The following ADGRA2 variants were observed in gnomAD, a reference collection of about 807,000 sequenced individuals.
The protein encoded by ADGRA2 is adhesion G protein-coupled receptor A2.
In ADGRA2, 61 loss-of-function variants were observed where a neutral mutation model predicts 98.7. The observed-to-expected ratio is 0.62, with a 90% confidence interval of 0.50 to 0.76. The LOEUF (loss-of-function observed/expected upper bound fraction) is 0.76. ADGRA2 is among the 30% of genes least tolerant of loss of function. ADGRA2 has a pLI of 0.00. For missense variants in ADGRA2, 1,712 were observed against 1,860.0 expected (o/e 0.92, Z 1.46); for synonymous variants, 858 against 831.5 (o/e 1.03, Z -0.55).
chr8:37,826,510 C>G (rs1014605005), intron 2 of ADGRA2, among the ~76,000 whole-genome samples: 2 of 152,198 alleles, frequency 1.3e-5, no homozygotes, highest in African/African-American at 4.8e-5. Flanking sequence ...GGGAACTGGC[C>G]CCTTCTGGTG....
Position 37,841,259 on chromosome 8 carries a change from G to A in ADGRA2, c.2921G>A (p.Arg974Lys). Residue 974 changes from arginine to lysine, a missense_variant, in exon 19 of 19, where the codon AGG becomes AAG. Arg to Lys is a conservative substitution (Grantham distance 26). Coordinates refer to ENST00000412232, the MANE Select transcript of ADGRA2 (RefSeq NM_032777.10). This position sits in a 1 kb window ranked among gnomAD's most constrained non-coding sequence, Gnocchi z 5.0. The stretch of plus-strand genomic sequence containing the variant: ...TCCCTGGAGGCAGGGGAGGAGCTGA[G>A]GGGTTCCACCAGGCTCAGGGGCAGC... ...RASLEAGEEL[R>K]GSTRLRGSGP... 6.2e-7 allele frequency: 1 copy of A among 1,613,236 alleles called. No homozygotes were observed. The highest frequency in any genetic ancestry group is 8.5e-7 in the Non-Finnish European group (1 of 1,179,768).
Position 37,814,022 on chromosome 8 carries a change from C to T in ADGRA2, c.267-874C>T, listed in dbSNP as rs967337193. Among the ~76,000 whole-genome samples, 2 of 152,246 alleles carry T rather than the reference C, an allele frequency of 1.3e-5. No individual in the cohort carries two copies. The highest frequency in any genetic ancestry group is 1.3e-4 in the Admixed American group (2 of 15,280). ...AGACCAAAGAAGGGAGACCCTTTGC[C>T]TCAGCCCAGGGCAGGCAAGAGTTTG... On this transcript the variant is annotated intron_variant, in intron 1 of 18. Coordinates refer to ENST00000412232, the MANE Select transcript of ADGRA2 (RefSeq NM_032777.10). This position sits in a 1 kb window ranked among gnomAD's most constrained non-coding sequence, Gnocchi z 4.3.
In ADGRA2 at chr8:37,797,574, T is replaced by A; in HGVS notation, c.266+40T>A. 1 of 1,229,842 alleles carries A rather than the reference T, an allele frequency of 8.1e-7. No individual in the cohort carries two copies. The highest frequency in any genetic ancestry group is 1.0e-6 in the Non-Finnish European group (1 of 971,720). The allele number at this position is 1,229,842 out of a possible 1,614,324, so 76.2% of individuals were successfully genotyped here. The stretch of plus-strand genomic sequence containing the variant: ...AGGCCAGTTCCGTCCGAGCCGGGAC[T>A]GGGGACGAAGGGAGGCGAGACGGGA... On this transcript the variant is annotated intron_variant, in intron 1 of 18. Coordinates refer to ENST00000412232, the MANE Select transcript of ADGRA2 (RefSeq NM_032777.10). The surrounding 1 kb of genome is among the most constrained non-coding windows in gnomAD (Gnocchi z 5.3).
chr8:37,841,359 G>T lies in ADGRA2; in HGVS notation c.3021G>T (p.Glu1007Asp). Reference protein sequence around the residue: ...SARVGTPGPPEDGDSLYSPGV... With the variant: ...SARVGTPGPPDDGDSLYSPGV... The stretch of plus-strand genomic sequence containing the variant: ...GAGTGGGGACGCCCGGGCCCCCGGA[G>T]GATGGTGACAGCCTCTATTCTCCGG... The change falls in exon 19 of 19, where the codon GAG becomes GAT. Residue 1007 changes from glutamate (E) to aspartate (D), a missense_variant. Transcript: ENST00000412232. The surrounding 1 kb of genome is among the most constrained non-coding windows in gnomAD (Gnocchi z 5.0). The T allele has an allele frequency of 6.2e-7, 1 of 1,608,052 alleles. No homozygotes were observed. The highest frequency in any genetic ancestry group is 1.3e-5 in the African/African-American group (1 of 74,946).
chr8:37,804,323 C>G (rs1409748331), intron 1 of ADGRA2, among the ~76,000 whole-genome samples: 3 of 152,176 alleles, frequency 2.0e-5, no homozygotes, highest in Non-Finnish European at 4.4e-5. Flanking sequence ...TGAAGCTTCT[C>G]AGACCTCTTG....
At chr8:37,831,225 C>A (rs998614659) in intron 7 of ADGRA2, among the ~76,000 whole-genome samples, 198 bp from the exon 8 acceptor site, 1 of 152,162 alleles carries the variant, frequency 6.6e-6, no homozygotes, top group African/African-American at 2.4e-5. Context: ...TTATTGGCTC[C>A]ATGATAAGGA....
chr8:37,820,087 G>A (rs911999328), intron 2 of ADGRA2, among the ~76,000 whole-genome samples: 1 of 152,158 alleles, frequency 6.6e-6, no homozygotes, highest in Non-Finnish European at 1.5e-5. Flanking sequence ...GCAGTCTTGG[G>A]GCAGAATTTC....
intron 2 of ADGRA2, among the ~76,000 whole-genome samples, chr8:37,821,063 C>G (rs1563343627): frequency 6.6e-6 from 1 of 152,070 alleles, no homozygotes; most frequent in Non-Finnish European, 1.5e-5. Flanking sequence ...ACGTCTGTGC[C>G]CTCTCTCTCT....
rs2129872302 is a variant in ADGRA2 at position 37,797,505 on chromosome 8, C to T, written c.237C>T (p.Pro79=). ...GGGACCTCCCGGAGCCTCCCGAGCCCGGCCTTCTGCCTAACGGCACCGTTA... is the reference window on the plus strand; with the variant it reads ...GGGACCTCCCGGAGCCTCCCGAGCCTGGCCTTCTGCCTAACGGCACCGTTA... ...SGGDLPEPPE[P]GLLPNGTVTL... The change falls in exon 1 of 19, where the codon CCC becomes CCT. Residue 79 remains proline (P), a synonymous_variant. Transcript: ENST00000412232. This position sits in a 1 kb window ranked among gnomAD's most constrained non-coding sequence, Gnocchi z 5.3. 1.4e-6 allele frequency: 2 copies of T among 1,404,126 alleles called. No individual in the cohort carries two copies. The highest frequency in any genetic ancestry group is 2.8e-5 in the East Asian group (1 of 35,868). The allele number at this position is 1,404,126 out of a possible 1,614,324, so 87.0% of individuals were successfully genotyped here. A position where few individuals can be genotyped will look rare whatever the true frequency, so the allele number is the denominator to read the frequency against.
chr8:37,807,672 A>C (rs753363460), intron 1 of ADGRA2, among the ~76,000 whole-genome samples: 13 of 152,036 alleles, frequency 8.6e-5, no homozygotes, highest in Non-Finnish European at 1.6e-4. Context: ...GCCCCCTACC[A>C]GTTCTGTGAT....
At chr8:37,829,788 C>T (rs775877031) in intron 5 of ADGRA2, 63 bp from the exon 6 acceptor site, 137 of 1,532,598 alleles carry the variant, frequency 8.9e-5, no homozygotes, top group Non-Finnish European at 1.2e-4. Context: ...CCTGGGGCCC[C>T]AGGCCACCCA....
At chr8:37,817,110 C>A (rs1455594937) in intron 2 of ADGRA2, among the ~76,000 whole-genome samples, 2 of 152,116 alleles carry the variant, frequency 1.3e-5, no homozygotes, top group Admixed American at 6.5e-5. Context: ...CGTGAGGGAG[C>A]CTCCATGACA....
chr8:37,821,958 G>A (rs1487247159), intron 2 of ADGRA2, among the ~76,000 whole-genome samples: 2 of 152,024 alleles, frequency 1.3e-5, no homozygotes, highest in Non-Finnish European at 2.9e-5. Context: ...TCCCCTCCCC[G>A]TCCCCAACAA....
Position 37,797,595 on chromosome 8 carries a change from C to T in ADGRA2, c.266+61C>T. ...GGACTGGGGACGAAGGGAGGCGAGA[C>T]GGGAGGGGTGGGAGCAGGGGGAAGG... On this transcript the variant is annotated intron_variant, in intron 1 of 18. Coordinates refer to ENST00000412232, the MANE Select transcript of ADGRA2 (RefSeq NM_032777.10). The surrounding 1 kb of genome is among the most constrained non-coding windows in gnomAD (Gnocchi z 5.3). 1 of 793,198 alleles carries T rather than the reference C, an allele frequency of 1.3e-6. No individual in the cohort carries two copies. The allele number at this position is 793,198 out of a possible 1,614,324, so 49.1% of individuals were successfully genotyped here.
chr8:37,836,615 T>C (rs1298793866), intron 13 of ADGRA2, among the ~76,000 whole-genome samples: 1 of 152,034 alleles, frequency 6.6e-6, no homozygotes, highest in Non-Finnish European at 1.5e-5. Context: ...ACTCCCACCA[T>C]CCACGCTGAC....
Position 37,842,382 on chromosome 8 carries a change from G to C in ADGRA2, c.*27G>C, listed in dbSNP as rs770477807. 2.8e-6 allele frequency: 4 copies of C among 1,443,964 alleles called. No homozygotes were observed. The East Asian group carries it at 1.1e-4, about 39-fold the overall frequency. The allele number at this position is 1,443,964 out of a possible 1,614,324, so 89.4% of individuals were successfully genotyped here. On this transcript the variant is annotated 3_prime_UTR_variant, in exon 19 of 19. Transcript: ENST00000412232. ...GTGGGGCGGGCGACGCGGTAGACGG[G>C]CTGGCCACGCGGCTCGTTCCCCCGC...
Position 37,797,239 on chromosome 8 carries a change from C to A in ADGRA2, c.-30C>A. On this transcript the variant is annotated 5_prime_UTR_variant, in exon 1 of 19. Transcript: ENST00000412232. The surrounding 1 kb of genome is among the most constrained non-coding windows in gnomAD (Gnocchi z 5.3). ...CGGCCGGCGCGCAGCCCGGCCCCAG[C>A]GCTGTGGGTCCCCGCGGGGCGATGG... The A allele has an allele frequency of 2.4e-6, 3 of 1,229,760 alleles. No homozygotes were observed. The highest frequency in any genetic ancestry group is 3.0e-6 in the Non-Finnish European group (3 of 987,578). The allele number at this position is 1,229,760 out of a possible 1,614,324, so 76.2% of individuals were successfully genotyped here.
At chr8:37,829,643 G>A in intron 5 of ADGRA2, 84 bp downstream of exon 5, 2 of 1,101,586 alleles carry the variant, frequency 1.8e-6, no homozygotes, top group South Asian at 2.5e-5. Context: ...ATGACCACCA[G>A]GACTGGTCTC....
chr8:37,830,150 G>A lies in ADGRA2; in HGVS notation c.718+136G>A. On this transcript the variant is annotated intron_variant, in intron 6 of 18. Transcript: ENST00000412232. This position sits in a 1 kb window ranked among gnomAD's most constrained non-coding sequence, Gnocchi z 4.8. ...AATTTGCAAAAGACCACGACACTGA[G>A]TCCTGCTCTTGCATTTAGGGAGACC... 1 of 556,156 alleles carries A rather than the reference G, an allele frequency of 1.8e-6. No individual in the cohort carries two copies. The highest frequency in any genetic ancestry group is 3.1e-6 in the Non-Finnish European group (1 of 319,690). The allele number at this position is 556,156 out of a possible 1,614,324, so 34.5% of individuals were successfully genotyped here. A position where few individuals can be genotyped will look rare whatever the true frequency, so the allele number is the denominator to read the frequency against.
Sources: gnomAD v4.1 joint callset for allele counts (sites outside exome capture counted in the v4.1 genomes callset) on GRCh38, gnomAD v4.1.1 for gene constraint, Gnocchi (gnomAD v3.1) non-coding constraint, MANE v1.5 for transcripts, NCBI Gene and HGNC (gene_info 2026-07-23, HGNC 2026-07-21) for gene names.